Variants in ACOT7 observed in about 807,000 individuals in gnomAD.
ACOT7 encodes cytosolic acyl coenzyme A thioester hydrolase.
ACOT7 carries 12 observed loss-of-function variants against 40.2 expected under a neutral mutation model. The observed-to-expected ratio is 0.30, with a 90% CI of 0.19 to 0.48. The LOEUF (loss-of-function observed/expected upper bound fraction) is 0.48, where lower values mean the gene tolerates loss of function less well. Ranked by LOEUF, ACOT7 falls within the 20% of genes least tolerant of loss-of-function variation. ACOT7 has a pLI of 0.99. For synonymous variants in ACOT7, 228 were observed against 219.5 expected (o/e 1.04, Z -0.34); for missense variants, 395 against 530.8 (o/e 0.74, Z 2.51).
intron 1 of ACOT7, among the ~76,000 whole-genome samples, chr1:6,357,590 C>G (rs1464834260): frequency 2.0e-5 from 3 of 152,344 alleles, no homozygotes; most frequent in African/African-American, 7.2e-5. Flanking sequence ...GGGCCACCAC[C>G]TGGGGCCTGC....
rs7515283 is a variant in ACOT7, at chr1:6,332,139, G to C, written c.510+1338C>G. Among the ~76,000 whole-genome samples, 969 of 152,344 alleles carry C rather than the reference G, an allele frequency of 6.4e-3. 12 individuals are homozygous for C. Among genetic ancestry groups the C allele is most frequent in the African/African-American group, 0.022 (908 of 41,578 alleles). ...GCAAAAAGAGCAGGCACCAATTCCT[G>C]ACAATCTGGTTCTCAGTTTTATTAT... On this transcript the variant is annotated intron_variant, in intron 4 of 8. Transcript: ENST00000361521.
At chr1:6,341,739 CT>C (rs1414347771) in intron 2 of ACOT7, among the ~76,000 whole-genome samples, 4 of 151,472 alleles carry the variant, frequency 2.6e-5, no homozygotes. Flanking sequence ...GAGACTCCGT[CT>C]CAAAAAAAAA....
intron 8 of ACOT7, 137 bp from the exon 9 acceptor site, chr1:6,264,832 G>C (rs774046612): frequency 1.3e-5 from 11 of 820,856 alleles, no homozygotes; most frequent in Non-Finnish European, 1.9e-5. Context: ...ACCACGCCTC[G>C]GCCCCGCTGG....
intron 8 of ACOT7, among the ~76,000 whole-genome samples, chr1:6,266,987 C>T (rs1307784779): frequency 6.6e-6 from 1 of 152,208 alleles, no homozygotes; most frequent in African/African-American, 2.4e-5. Flanking sequence ...CGCACTCAGG[C>T]GCCTCCCAGT....
intron 5 of ACOT7, among the ~76,000 whole-genome samples, chr1:6,323,716 CAAAA>C (rs1171499592): frequency 2.5e-3 from 172 of 68,980 alleles, no homozygotes; most frequent in Non-Finnish European, 2.9e-3. Flanking sequence ...AGACTTGTCT[CAAAA>C]AAAAAAAAAA....
At chr1:6,270,234 G>A (rs1023481822) in intron 8 of ACOT7, among the ~76,000 whole-genome samples, 14 of 152,222 alleles carry the variant, frequency 9.2e-5, no homozygotes, top group South Asian at 2.1e-4. Flanking sequence ...CCTCCTCGCA[G>A]CCATCTCCCT....
intron 1 of ACOT7, chr1:6,360,568 ACT>A (rs1233281184): frequency 3.7e-5 from 60 of 1,613,740 alleles, no homozygotes; most frequent in Non-Finnish European, 5.1e-5. Flanking sequence ...CTCCCAACTC[ACT>A]GTTTGGCCTT....
intron 6 of ACOT7, among the ~76,000 whole-genome samples, chr1:6,312,898 A>G (rs565307263): frequency 7.2e-5 from 11 of 152,212 alleles, no homozygotes; most frequent in Non-Finnish European, 1.6e-4. Flanking sequence ...TTTTAATTAC[A>G]TGAGGTGAGC....
chr1:6,280,163 C>T (rs1401069832), intron 8 of ACOT7, among the ~76,000 whole-genome samples: 1 of 152,254 alleles, frequency 6.6e-6, no homozygotes, highest in Non-Finnish European at 1.5e-5. Context: ...GGCCTGCGGG[C>T]ACCCGCCTGC....
chr1:6,316,391 A>C (rs1640495488), intron 6 of ACOT7, among the ~76,000 whole-genome samples: 1 of 152,244 alleles, frequency 6.6e-6, no homozygotes, highest in Non-Finnish European at 1.5e-5. Context: ...TGCTGTTATA[A>C]AGCACAGCTT....
At chr1:6,362,617 G>A (rs757471697) in intron 1 of ACOT7, among the ~76,000 whole-genome samples, 3 of 152,034 alleles carry the variant, frequency 2.0e-5, no homozygotes, top group Non-Finnish European at 2.9e-5. Flanking sequence ...GGAGAACTCC[G>A]CAACGACATG....
intron 6 of ACOT7, among the ~76,000 whole-genome samples, chr1:6,304,283 TAA>T (rs1640053660): frequency 9.4e-6 from 1 of 106,796 alleles, no homozygotes; most frequent in South Asian, 2.7e-4. Context: ...CGACCACAGC[TAA>T]AGAGAGAAGC....
intron 1 of ACOT7, among the ~76,000 whole-genome samples, chr1:6,391,919 GCTGT>G (rs1387393110): frequency 1.3e-5 from 2 of 151,940 alleles, no homozygotes; most frequent in African/African-American, 2.4e-5. Flanking sequence ...CCTGATGCAG[GCTGT>G]CTGTCTCCAG....
intron 7 of ACOT7, among the ~76,000 whole-genome samples, chr1:6,283,950 G>A (rs1167117446): frequency 6.6e-6 from 1 of 152,074 alleles, no homozygotes; most frequent in Non-Finnish European, 1.5e-5. Flanking sequence ...AGCTGAGATC[G>A]CACCACTGCA....
At chr1:6,366,075 T>C (rs923210254) in intron 1 of ACOT7, among the ~76,000 whole-genome samples, 2 of 151,812 alleles carry the variant, frequency 1.3e-5, no homozygotes, top group Non-Finnish European at 2.9e-5. Flanking sequence ...TTTGTATTTT[T>C]AGTAGAGACA....
chr1:6,318,747 G>A (rs1640562763), intron 5 of ACOT7, among the ~76,000 whole-genome samples, 169 bp from the exon 6 acceptor site: 2 of 152,228 alleles, frequency 1.3e-5, no homozygotes, highest in Non-Finnish European at 2.9e-5. Context: ...ACAGGCTACA[G>A]TTGGTGAAGG....
chr1:6,276,912 C>T (rs1422400704), intron 8 of ACOT7, among the ~76,000 whole-genome samples: 2 of 152,162 alleles, frequency 1.3e-5, no homozygotes, highest in Non-Finnish European at 1.5e-5. Context: ...CTGCCATTCC[C>T]TCCATTCAAG....
chr1:6,379,370 G>A (rs1055632483), intron 1 of ACOT7, among the ~76,000 whole-genome samples: 1 of 151,862 alleles, frequency 6.6e-6, no homozygotes, highest in African/African-American at 2.4e-5. Flanking sequence ...GTGTCCACAC[G>A]TGCAAATGGA....
At chr1:6,384,233 G>A (rs1642400205) in intron 1 of ACOT7, among the ~76,000 whole-genome samples, 2 of 151,692 alleles carry the variant, frequency 1.3e-5, no homozygotes. Flanking sequence ...AATACACAGT[G>A]GTCAATAAGC....
Sources: gnomAD v4.1 joint callset for allele counts (sites outside exome capture counted in the v4.1 genomes callset) on GRCh38, gnomAD v4.1.1 for gene constraint, MANE v1.5 for transcripts, NCBI Gene and HGNC (gene_info 2026-07-23, HGNC 2026-07-21) for gene names.